Variants in NAPB observed in about 807,000 individuals in gnomAD.
NAPB encodes NSF attachment protein beta, also known as beta-soluble NSF attachment protein.
Under a neutral mutation model 44.7 loss-of-function variants are expected in NAPB, and 26 were observed. The ratio of observed to expected loss-of-function variants is 0.58; its 90% CI spans 0.43 to 0.81. The LOEUF (loss-of-function observed/expected upper bound fraction) is 0.81. Among genes scored for constraint, NAPB ranks in the 30% least tolerant of loss-of-function variants. NAPB has a pLI of 0.00. For synonymous variants in NAPB, 120 were observed against 116.8 expected, an observed-to-expected ratio of 1.03 and a Z score of -0.18; for missense variants, 315 against 356.4, an observed-to-expected ratio of 0.88 and a Z score of 0.94.
chr20:23,383,156 CAAAAAAA>C (rs34238446), intron 7 of NAPB, among the ~76,000 whole-genome samples: 4 of 76,744 alleles, frequency 5.2e-5, no homozygotes, highest in Non-Finnish European at 9.9e-5. Flanking sequence ...GACTCGGTCT[CAAAAAAA>C]AAAAAAAAAA....
At chr20:23,379,990 C>T in intron 8 of NAPB, 55 bp from the exon 9 acceptor site, 1 of 1,432,544 alleles carries the variant, frequency 7.0e-7, no homozygotes, top group Non-Finnish European at 9.8e-7. Flanking sequence ...ACAAAGCTTT[C>T]AACATTCTAT....
At position 23,395,183 on chromosome 20, in the gene NAPB, C is replaced by T; in HGVS notation, c.298G>A (p.Ala100Thr). Residue 100 changes from alanine (A) to threonine (T), a missense_variant and splice_region_variant, in exon 4 of 11, where the codon GCT (alanine) becomes ACT (threonine). Coordinates refer to ENST00000377026, the MANE Select transcript of NAPB (RefSeq NM_022080.3). ...ATGGCTGCATTTAAGCAGTTGATAG[C>T]CTCTGAAGCGTAGGCATTTAAGAAA... ...NAYKKADPQE[A>T]INCLNAAIDI... The T allele has an allele frequency of 6.2e-7, 1 of 1,614,118 alleles. No homozygotes were observed. The highest frequency in any genetic ancestry group is 8.5e-7 in the Non-Finnish European group (1 of 1,179,986).
chr20:23,416,598 T>C (rs146728825), intron 1 of NAPB, among the ~76,000 whole-genome samples: 1 of 152,080 alleles, frequency 6.6e-6, no homozygotes, highest in East Asian at 1.9e-4. Flanking sequence ...ACGTATATTA[T>C]ATAATTTATA....
Position 23,421,389 on chromosome 20 carries a change from C to A in NAPB, c.14G>T (p.Gly5Val), listed in dbSNP as rs779232726. 5 of 1,547,284 alleles carry A rather than the reference C, an allele frequency of 3.2e-6. No individual in the cohort carries two copies. The South Asian group carries it at 4.8e-5, about 15-fold the overall frequency. The change falls in exon 1 of 11, where the codon GGG becomes GTG. Residue 5 changes from glycine (G) to valine (V), a missense_variant. Physicochemically the swap from Gly to Val is moderately radical, Grantham distance 109. Coordinates refer to ENST00000377026, the MANE Select transcript of NAPB (RefSeq NM_022080.3). MDNAGKEREAVQLMA... is the reference protein window; with the variant it reads MDNAVKEREAVQLMA... ...CAGCTGTACTGCCTCACGCTCCTTC[C>A]CCGCGTTGTCCATGTCGCCCGCCGC...
chr20:23,416,388 CTG>C (rs1240810421), intron 1 of NAPB, among the ~76,000 whole-genome samples: 1 of 152,174 alleles, frequency 6.6e-6, no homozygotes, highest in Non-Finnish European at 1.5e-5. Flanking sequence ...TTATATAGCT[CTG>C]TGCAACTGAA....
chr20:23,390,977 G>A (rs139737989), intron 5 of NAPB, among the ~76,000 whole-genome samples: 3 of 152,312 alleles, frequency 2.0e-5, no homozygotes, highest in African/African-American at 4.8e-5. Flanking sequence ...TTGTCATGCT[G>A]TGGTAGAAGT....
intron 1 of NAPB, among the ~76,000 whole-genome samples, chr20:23,414,517 C>G (rs1985873052): frequency 6.6e-6 from 1 of 152,152 alleles, no homozygotes; most frequent in Non-Finnish European, 1.5e-5. Flanking sequence ...AAATACAACA[C>G]TAATCCCTAA....
intron 5 of NAPB, among the ~76,000 whole-genome samples, chr20:23,390,830 C>T (rs1026802043): frequency 3.3e-5 from 5 of 152,180 alleles, no homozygotes; most frequent in East Asian, 1.9e-4. Context: ...TTACACCTTA[C>T]GTCTATGACT....
intron 1 of NAPB, among the ~76,000 whole-genome samples, chr20:23,409,356 G>C (rs1481738907): frequency 1.3e-5 from 2 of 152,186 alleles, no homozygotes; most frequent in African/African-American, 4.8e-5. Context: ...ACAATTTCCT[G>C]AAATAAAGCT....
At chr20:23,418,366 A>G (rs1414575395) in intron 1 of NAPB, among the ~76,000 whole-genome samples, 1 of 152,216 alleles carries the variant, frequency 6.6e-6, no homozygotes, top group Non-Finnish European at 1.5e-5. Flanking sequence ...CATGTATTCC[A>G]GTCTAGAAAG....
intron 2 of NAPB, among the ~76,000 whole-genome samples, chr20:23,400,289 C>G (rs894878307): frequency 2.6e-5 from 4 of 152,094 alleles, no homozygotes; most frequent in Non-Finnish European, 5.9e-5. Context: ...TAGGGTGGAT[C>G]AGGCACTCCT....
chr20:23,401,780 C>A (rs1050909182), intron 2 of NAPB, among the ~76,000 whole-genome samples: 1 of 152,160 alleles, frequency 6.6e-6, no homozygotes, highest in African/African-American at 2.4e-5. Flanking sequence ...ACGAGGGAGG[C>A]TGAGGCATAA....
chr20:23,383,747 A>G (rs1162576335), intron 7 of NAPB, among the ~76,000 whole-genome samples: 1 of 152,242 alleles, frequency 6.6e-6, no homozygotes, highest in African/African-American at 2.4e-5. Flanking sequence ...TCCAGAAGAA[A>G]GAACATGGTA....
intron 7 of NAPB, among the ~76,000 whole-genome samples, chr20:23,389,562 A>G (rs569512329): frequency 6.8e-4 from 103 of 152,346 alleles, no homozygotes; most frequent in African/African-American, 2.3e-3. Context: ...AAAAACAATG[A>G]CATACTGACA....
intron 1 of NAPB, among the ~76,000 whole-genome samples, chr20:23,413,939 A>T (rs1236938831): frequency 6.6e-6 from 1 of 152,146 alleles, no homozygotes; most frequent in East Asian, 1.9e-4. Context: ...TATTTTTAGG[A>T]GGCACCTGTA....
At chr20:23,378,280 C>T (rs1407036719) in intron 10 of NAPB, among the ~76,000 whole-genome samples, 1 of 151,646 alleles carries the variant, frequency 6.6e-6, no homozygotes, top group Admixed American at 6.6e-5. Context: ...GCCGTGATCA[C>T]ACCACAGCAC....
At chr20:23,413,681 AAGACTACT>A (rs1353419992) in intron 1 of NAPB, among the ~76,000 whole-genome samples, 6 of 152,180 alleles carry the variant, frequency 3.9e-5, no homozygotes, top group Non-Finnish European at 7.3e-5. Flanking sequence ...AAAGTCAGAA[AAGACTACT>A]ATGCACAATG....
chr20:23,421,172 G>T, intron 1 of NAPB, 133 bp downstream of exon 1: 1 of 671,234 alleles, frequency 1.5e-6, no homozygotes, highest in Non-Finnish European at 2.4e-6. Context: ...GAGGGCGCCT[G>T]CAGGCTGAGG....
rs1317894276 is a variant in NAPB at position 23,390,244 on chromosome 20, T to C, written c.441A>G (p.Gln147=). The C allele has an allele frequency of 1.2e-6, 2 of 1,611,286 alleles. No homozygotes were observed. Among genetic ancestry groups the C allele is most frequent in the Non-Finnish European group, 1.7e-6 (2 of 1,177,450 alleles). Residue 147 remains glutamine, a synonymous_variant, in exon 6 of 11, where the codon CAA becomes CAG. Coordinates refer to ENST00000377026, the MANE Select transcript of NAPB (RefSeq NM_022080.3). ...CTTCTCCTTTGTAATAATCAGCAGA[T>C]TGTTCATAATGTGCAATAGCCTGAA... is the stretch of plus-strand genomic sequence containing the variant. The part of the protein sequence containing the change: ...DIEKAIAHYE[Q]SADYYKGEES...
Sources: allele counts gnomAD v4.1 joint callset (sites outside exome capture counted in the v4.1 genomes callset), GRCh38; gene constraint gnomAD v4.1.1; transcripts MANE v1.5; gene names NCBI Gene and HGNC (gene_info 2026-07-23, HGNC 2026-07-21).